FERMT1: variants seen among roughly 807,000 people sequenced by gnomAD.
The protein encoded by FERMT1 is FERM domain containing kindlin 1.
In FERMT1, 60 loss-of-function variants were observed where a neutral mutation model predicts 85.3. That is an observed-to-expected ratio of 0.70 (90% confidence interval 0.57 to 0.87). The LOEUF is 0.87. Ranked by LOEUF, FERMT1 falls within the 40% of genes least tolerant of loss-of-function variation. The probability of loss-of-function intolerance (pLI) is 0.00; values close to 1 mark genes in which losing one functional copy is unlikely to be tolerated. For synonymous variants in FERMT1, 275 were observed against 301.1 expected (o/e 0.91, Z 0.90); for missense variants, 701 against 818.9 (o/e 0.86, Z 1.76).
intron 6 of FERMT1, among the ~76,000 whole-genome samples, chr20:6,102,850 T>C (rs1176701166): frequency 6.6e-6 from 1 of 151,998 alleles, no homozygotes; most frequent in East Asian, 1.9e-4. Flanking sequence ...ACAATAAAAA[T>C]AAATAACAAA....
intron 2 of FERMT1, among the ~76,000 whole-genome samples, chr20:6,119,100 G>T (rs544739769): frequency 2.6e-5 from 4 of 152,112 alleles, no homozygotes; most frequent in African/African-American, 4.8e-5. Context: ...TGCACCCACC[G>T]CCACGCCAGG....
chr20:6,099,681 C>T (rs375137991), intron 6 of FERMT1, among the ~76,000 whole-genome samples: 4 of 152,004 alleles, frequency 2.6e-5, no homozygotes, highest in African/African-American at 9.7e-5. Flanking sequence ...AGTGGCCCAA[C>T]CTGGGCAATG....
At position 6,119,474 on chromosome 20, in the gene FERMT1, T is replaced by C; in HGVS notation, c.81A>G (p.Lys27=). 1.2e-6 allele frequency: 2 copies of C among 1,614,196 alleles called. No individual in the cohort carries two copies. Among genetic ancestry groups the C allele is most frequent in the Non-Finnish European group, 1.7e-6 (2 of 1,180,004 alleles). The change falls in exon 2 of 15, where the codon AAA becomes AAG. Residue 27 remains lysine (K), a synonymous_variant. Coordinates refer to ENST00000217289, the MANE Select transcript of FERMT1 (RefSeq NM_017671.5). ...CTCCAGATACTCTCAGTGTGACGTC[T>C]TTCTGCTGCTCTTCATTGGGATGGT... The part of the protein sequence containing the change: ...RVDHPNEEQQ[K]DVTLRVSGDL...
chr20:6,099,905 G>T (rs1982614554), intron 6 of FERMT1, among the ~76,000 whole-genome samples: 2 of 151,626 alleles, frequency 1.3e-5, no homozygotes, highest in African/African-American at 4.8e-5. Flanking sequence ...AGGCTGAGGT[G>T]GGAGGATTGC....
intron 9 of FERMT1, among the ~76,000 whole-genome samples, chr20:6,092,932 G>A (rs1162427861): frequency 4.0e-5 from 6 of 151,774 alleles, no homozygotes; most frequent in Non-Finnish European, 8.8e-5. Flanking sequence ...TTCACTTCAT[G>A]ATTAATTCTG....
intron 9 of FERMT1, chr20:6,094,066 A>T (rs538601731): frequency 6.6e-6 from 1 of 152,290 alleles, no homozygotes; most frequent in Non-Finnish European, 1.5e-5. Context: ...AGTGACAAAT[A>T]TTGTTACCTT....
At chr20:6,117,350 C>T (rs1436081108) in intron 2 of FERMT1, among the ~76,000 whole-genome samples, 1 of 151,734 alleles carries the variant, frequency 6.6e-6, no homozygotes, top group Admixed American at 6.6e-5. Context: ...CTCACTGCAA[C>T]TTCTGCCTCC....
At chr20:6,101,367 C>A (rs1295805978) in intron 6 of FERMT1, among the ~76,000 whole-genome samples, 1 of 151,788 alleles carries the variant, frequency 6.6e-6, no homozygotes, top group East Asian at 1.9e-4. Context: ...GATTTTTTTT[C>A]AGTGGTTAAA....
chr20:6,086,425 A>G (rs141866653), intron 11 of FERMT1, among the ~76,000 whole-genome samples: 2 of 152,202 alleles, frequency 1.3e-5, no homozygotes, highest in East Asian at 3.9e-4. Flanking sequence ...TCTGTGTTTT[A>G]TTTCTGACTT....
intron 1 of FERMT1, among the ~76,000 whole-genome samples, chr20:6,122,243 T>G (rs1004581822): frequency 1.3e-5 from 2 of 152,226 alleles, no homozygotes; most frequent in Non-Finnish European, 2.9e-5. Flanking sequence ...TGAGTGAACG[T>G]CTAGTCTGCA....
intron 13 of FERMT1, among the ~76,000 whole-genome samples, chr20:6,080,154 A>T (rs541644508): frequency 6.6e-6 from 1 of 151,962 alleles, no homozygotes; most frequent in Non-Finnish European, 1.5e-5. Context: ...CACTTAAAAA[A>T]ATTTTTTTTT....
intron 5 of FERMT1, among the ~76,000 whole-genome samples, chr20:6,108,094 G>A (rs1176220258): frequency 6.6e-6 from 1 of 152,224 alleles, no homozygotes; most frequent in African/African-American, 2.4e-5. Context: ...TTGAACCCCT[G>A]ACCTCAGGTG....
chr20:6,085,913 G>T (rs1052143249), intron 11 of FERMT1, among the ~76,000 whole-genome samples: 1 of 151,938 alleles, frequency 6.6e-6, no homozygotes, highest in Non-Finnish European at 1.5e-5. Context: ...GGCCGAGGCG[G>T]GTGGATCACG....
intron 13 of FERMT1, among the ~76,000 whole-genome samples, chr20:6,081,490 T>C (rs1981995966): frequency 6.6e-6 from 1 of 152,004 alleles, no homozygotes; most frequent in Admixed American, 6.6e-5. Context: ...GTGCAAGGAC[T>C]GAGAGGCGAC....
chr20:6,082,046 C>T (rs969759969), intron 13 of FERMT1, among the ~76,000 whole-genome samples: 2 of 152,164 alleles, frequency 1.3e-5, no homozygotes, highest in Non-Finnish European at 2.9e-5. Context: ...ATCCCGATTC[C>T]GCCAGACATC....
chr20:6,077,460 A>T lies in FERMT1; in HGVS notation c.1861-114T>A, dbSNP rs73603091. The T allele has an allele frequency of 5.6e-3, 5,247 of 928,900 alleles. 142 individuals are homozygous for T. The African/African-American group carries it at 0.07, about 12-fold the overall frequency. The allele number at this position is 928,900 out of a possible 1,614,324, so 57.5% of individuals were successfully genotyped here. On this transcript the variant is annotated intron_variant, in intron 14 of 14. Coordinates refer to ENST00000217289, the MANE Select transcript of FERMT1 (RefSeq NM_017671.5). ...GGCTGCTGAGGTGGATAACAGATGG[A>T]TATCCCTCTAAAACACACAGAAAAC...
At position 6,097,270 on chromosome 20, in the gene FERMT1, A is replaced by G. The variant is rs368471730; in HGVS notation, c.958-237T>C. Among the ~76,000 whole-genome samples, 6 of 152,314 alleles carry G rather than the reference A, an allele frequency of 3.9e-5. No individual in the cohort carries two copies. The South Asian group carries it at 6.2e-4, about 16-fold the overall frequency. On this transcript the variant is annotated intron_variant, in intron 7 of 14. Coordinates refer to ENST00000217289, the MANE Select transcript of FERMT1 (RefSeq NM_017671.5). ...ATCACTGATTGTGCTCACAGTAGGG[A>G]AGAGATAATAATTGCAAGACTAGTG...
chr20:6,088,473 T>C (rs897674147), intron 10 of FERMT1, among the ~76,000 whole-genome samples: 6 of 152,148 alleles, frequency 3.9e-5, no homozygotes, highest in African/African-American at 1.4e-4. Flanking sequence ...CAAATAATCA[T>C]GTTTACTAGA....
At chr20:6,101,988 T>C (rs757815190) in intron 6 of FERMT1, among the ~76,000 whole-genome samples, 2 of 152,094 alleles carry the variant, frequency 1.3e-5, no homozygotes, top group South Asian at 2.1e-4. Flanking sequence ...AATTTAATTG[T>C]GGTAAAATAT....
Sources: allele counts gnomAD v4.1 joint callset (sites outside exome capture counted in the v4.1 genomes callset), GRCh38; gene constraint gnomAD v4.1.1; transcripts MANE v1.5; gene names NCBI Gene and HGNC (gene_info 2026-07-23, HGNC 2026-07-21).